SLIT1: variants seen among roughly 807,000 people sequenced by gnomAD.
SLIT1 encodes the protein slit guidance ligand 1, also known as slit homolog 1 protein.
In SLIT1, 66 loss-of-function variants were observed where a neutral mutation model predicts 186.1. The observed-to-expected ratio is 0.35, with a 90% CI of 0.29 to 0.44. The LOEUF (loss-of-function observed/expected upper bound fraction) is 0.44. Among genes scored for constraint, SLIT1 ranks in the 20% least tolerant of loss-of-function variants. SLIT1 has a pLI of 1.00. For synonymous variants in SLIT1, 761 were observed against 833.8 expected, an observed-to-expected ratio of 0.91 and a Z score of 1.50; for missense variants, 1,638 against 2,037.4, an observed-to-expected ratio of 0.80 and a Z score of 3.77.
intron 4 of SLIT1, among the ~76,000 whole-genome samples, chr10:97,091,651 C>T (rs1015490684): frequency 7.2e-5 from 11 of 152,316 alleles, no homozygotes; most frequent in Non-Finnish European, 2.9e-5. Flanking sequence ...ATTTGTATGA[C>T]AGTCACACTT....
intron 24 of SLIT1, 95 bp downstream of exon 24, chr10:97,031,511 G>T (rs966588103): frequency 2.0e-4 from 183 of 928,340 alleles, no homozygotes; most frequent in Non-Finnish European, 1.2e-4. Flanking sequence ...GCACAGCGTG[G>T]GCCCTAGACA....
chr10:97,081,788 G>A (rs1243863293), intron 4 of SLIT1, among the ~76,000 whole-genome samples: 1 of 152,186 alleles, frequency 6.6e-6, no homozygotes, highest in African/African-American at 2.4e-5. Context: ...AAGCCCAGAG[G>A]AGCTACGAGG....
At chr10:97,072,431 T>C (rs1221986078) in intron 4 of SLIT1, among the ~76,000 whole-genome samples, 1 of 152,168 alleles carries the variant, frequency 6.6e-6, no homozygotes, top group Non-Finnish European at 1.5e-5. Flanking sequence ...CCCAAGTAGC[T>C]GGGACTAAAG....
At chr10:97,165,338 C>T (rs1032884816) in intron 1 of SLIT1, among the ~76,000 whole-genome samples, 7 of 152,180 alleles carry the variant, frequency 4.6e-5, no homozygotes, top group African/African-American at 1.2e-4. Context: ...GCATAGCCTG[C>T]GCTTGCAAAG....
intron 4 of SLIT1, among the ~76,000 whole-genome samples, chr10:97,078,669 T>C (rs998215475): frequency 2.0e-5 from 3 of 152,088 alleles, no homozygotes; most frequent in Non-Finnish European, 2.9e-5. Flanking sequence ...TCTTCAACTC[T>C]ACCTACTGCA....
At chr10:97,183,078 C>G (rs1454869570) in intron 1 of SLIT1, among the ~76,000 whole-genome samples, 1 of 152,194 alleles carries the variant, frequency 6.6e-6, no homozygotes, top group Non-Finnish European at 1.5e-5. Flanking sequence ...ATTGCCTGCC[C>G]TCTGTGCTTG....
At chr10:97,011,178 C>G in intron 30 of SLIT1, 48 bp from the exon 31 acceptor site, 1 of 1,458,122 alleles carries the variant, frequency 6.9e-7, no homozygotes, top group Non-Finnish European at 9.6e-7. Flanking sequence ...CACACAGAGT[C>G]TGGGAGGCCA....
intron 23 of SLIT1, among the ~76,000 whole-genome samples, chr10:97,032,931 C>A (rs777705221): frequency 1.9e-4 from 29 of 152,272 alleles, no homozygotes; most frequent in Admixed American, 2.0e-4. Context: ...GTATGTAAAA[C>A]CCTAGAAAAT....
chr10:97,064,361 T>C (rs1589379936), intron 6 of SLIT1, 122 bp from the exon 7 acceptor site: 6 of 790,058 alleles, frequency 7.6e-6, no homozygotes, highest in African/African-American at 1.7e-5. Context: ...GGGCTGGACA[T>C]GGAGGAGCTA....
At chr10:97,107,178 A>G (rs1849422659) in intron 4 of SLIT1, among the ~76,000 whole-genome samples, 1 of 152,230 alleles carries the variant, frequency 6.6e-6, no homozygotes, top group Non-Finnish European at 1.5e-5. Flanking sequence ...AAAGCACTCT[A>G]CCTGAGGGAA....
At position 97,051,673 on chromosome 10, in the gene SLIT1, C is replaced by T. The variant is rs575249537; in HGVS notation, c.1302-2555G>A. Among the ~76,000 whole-genome samples, 41 of 152,170 alleles carry T rather than the reference C, an allele frequency of 2.7e-4. 1 individual carries two copies. Among genetic ancestry groups the T allele is most frequent in the Admixed American group, 1.3e-4 (2 of 15,294 alleles). On this transcript the variant is annotated intron_variant, in intron 13 of 36. Transcript: ENST00000266058. The stretch of plus-strand genomic sequence containing the variant: ...AAAAATACAAAAAGAATTAGCCGGG[C>T]ATGGTGGTGGGCACCTGTAATCCCA...
At chr10:97,179,791 T>C (rs56987475) in intron 1 of SLIT1, among the ~76,000 whole-genome samples, 10,087 of 113,820 alleles carry the variant, frequency 0.089, 623 homozygotes, top group East Asian at 0.24. Context: ...GAGCCAATTC[T>C]CCACACCCTC....
intron 13 of SLIT1, among the ~76,000 whole-genome samples, chr10:97,051,261 C>CAAAAAAAAAAAAAAAAA (rs5787214): frequency 6.8e-6 from 1 of 147,868 alleles, no homozygotes. Flanking sequence ...AATCAAAATG[C>CAAAAAAAAAAAAAAAAA]AAAAAAAAAA....
chr10:97,183,027 G>C (rs557241696), intron 1 of SLIT1, among the ~76,000 whole-genome samples: 97 of 151,620 alleles, frequency 6.4e-4, no homozygotes, highest in Non-Finnish European at 1.2e-3. Context: ...ACAAGCAGCA[G>C]AATGTGCTGG....
intron 22 of SLIT1, among the ~76,000 whole-genome samples, chr10:97,035,462 A>G (rs1848631030): frequency 6.6e-6 from 1 of 151,774 alleles, no homozygotes; most frequent in Non-Finnish European, 1.5e-5. Context: ...CTGCCCACAC[A>G]TCTGCCCTCT....
At chr10:97,052,718 C>T (rs750588512) in intron 13 of SLIT1, among the ~76,000 whole-genome samples, 5 of 152,082 alleles carry the variant, frequency 3.3e-5, no homozygotes, top group Admixed American at 6.5e-5. Context: ...ACAGGGACTT[C>T]GCCACAGATC....
chr10:97,031,646 G>A lies in SLIT1; in HGVS notation c.2470C>T (p.Pro824Ser). Reference sequence around the variant, plus strand: ...CGGAGTCCCTGGAAGGCCAAAGGCGGGATGCACTGCAGGGCATTGTAGCTG... The same window carrying A: ...CGGAGTCCCTGGAAGGCCAAAGGCGAGATGCACTGCAGGGCATTGTAGCTG... ...ILSYNALQCI[P>S]PLAFQGLRSL... The change falls in exon 24 of 37, where the codon CCG becomes TCG. Residue 824 changes from proline (P) to serine (S), a missense_variant. By Grantham distance (74) the Pro-to-Ser change is moderately conservative (BLOSUM62 -1). Around this residue, in one of 3 missense-constraint regions of SLIT1, gnomAD observed 1,245 missense variants for 1,535.3 expected, o/e 0.81. Transcript: ENST00000266058. 1 of 1,552,214 alleles carries A rather than the reference G, an allele frequency of 6.4e-7. No homozygotes were observed. The highest frequency in any genetic ancestry group is 8.7e-7 in the Non-Finnish European group (1 of 1,147,202).
At chr10:97,074,596 C>A (rs544766828) in intron 4 of SLIT1, among the ~76,000 whole-genome samples, 1 of 152,350 alleles carries the variant, frequency 6.6e-6, no homozygotes, top group African/African-American at 2.4e-5. Context: ...AAGTTCACAC[C>A]AGCTCAAGGC....
chr10:97,074,758 C>A (rs1440267178), intron 4 of SLIT1, among the ~76,000 whole-genome samples: 1 of 152,236 alleles, frequency 6.6e-6, no homozygotes, highest in African/African-American at 2.4e-5. Flanking sequence ...GCCAGGCCCA[C>A]ACCCTGACTT....
Sources: allele counts gnomAD v4.1 joint callset (sites outside exome capture counted in the v4.1 genomes callset), GRCh38; gene constraint gnomAD v4.1.1; regional missense constraint gnomAD v4.1.1; transcripts MANE v1.5; gene names NCBI Gene and HGNC (gene_info 2026-07-23, HGNC 2026-07-21).